Variants in CUBN observed in about 807,000 individuals in gnomAD.
The protein encoded by CUBN is cubilin, also known as 460 kDa receptor.
A neutral mutation model predicts 405.3 loss-of-function variants in CUBN; 282 were observed. The ratio of observed to expected loss-of-function variants is 0.70; its 90% CI spans 0.63 to 0.77. The LOEUF (loss-of-function observed/expected upper bound fraction) is 0.77. Among genes scored for constraint, CUBN ranks in the 30% least tolerant of loss-of-function variants. The pLI, the probability that CUBN is intolerant of heterozygous loss-of-function variation, is 0.00. For synonymous variants in CUBN, 1,684 were observed against 1,617.0 expected (o/e 1.04, Z -0.99); for missense variants, 4,514 against 4,475.2 (o/e 1.01, Z -0.25).
At chr10:17,051,849 A>G (rs1332466180) in intron 22 of CUBN, among the ~76,000 whole-genome samples, 1 of 152,064 alleles carries the variant, frequency 6.6e-6, no homozygotes, top group Non-Finnish European at 1.5e-5. Flanking sequence ...GAGAACCAGA[A>G]GAAGAAGGTA....
chr10:17,079,267 A>C, intron 17 of CUBN, among the ~76,000 whole-genome samples: 2 of 130,040 alleles, frequency 1.5e-5, no homozygotes, highest in African/African-American at 3.0e-5. Context: ...ATGGAGTCTC[A>C]CTCTGTCACC....
chr10:16,874,641 T>G, intron 57 of CUBN, 138 bp from the exon 58 acceptor site: 1 of 1,026,608 alleles, frequency 9.7e-7, no homozygotes, highest in Non-Finnish European at 1.5e-6. Context: ...GACTTATATC[T>G]CCCTTCATTG....
chr10:17,088,011 T>C (rs188781076), intron 15 of CUBN, among the ~76,000 whole-genome samples, 153 bp downstream of exon 15: 266 of 152,214 alleles, frequency 1.7e-3, no homozygotes, highest in South Asian at 3.1e-3. Flanking sequence ...CAGTTAAAAA[T>C]AGAGACTTTG....
rs1397092662 is a variant in CUBN at position 17,129,103 on chromosome 10, A to G, written c.252+18T>C. ...TATGGATATACAAAATGACTTCAATATATTTCCAGTGTATTACCTGATGTA... is the reference window on the plus strand; with the variant it reads ...TATGGATATACAAAATGACTTCAATGTATTTCCAGTGTATTACCTGATGTA... On this transcript the variant is annotated intron_variant, in intron 2 of 66. Transcript: ENST00000377833. 6.2e-7 allele frequency: 1 copy of G among 1,602,398 alleles called. No homozygotes were observed. Among genetic ancestry groups the G allele is most frequent in the East Asian group, 2.2e-5 (1 of 44,794 alleles).
intron 27 of CUBN, among the ~76,000 whole-genome samples, chr10:17,023,947 T>G (rs1834579472): frequency 6.6e-6 from 1 of 152,190 alleles, no homozygotes; most frequent in African/African-American, 2.4e-5. Context: ...AAGAGATTAT[T>G]CATTTAGGAT....
At chr10:16,885,898 G>C (rs2131391925) in intron 56 of CUBN, among the ~76,000 whole-genome samples, 1 of 152,234 alleles carries the variant, frequency 6.6e-6, no homozygotes, top group East Asian at 1.9e-4. Context: ...TAACATAAAA[G>C]CTATAAAGAA....
chr10:16,973,871 T>A (rs1833012352), intron 31 of CUBN, among the ~76,000 whole-genome samples: 1 of 152,196 alleles, frequency 6.6e-6, no homozygotes, highest in Admixed American at 6.5e-5. Context: ...CGTAGCACGT[T>A]TTCTTCATCC....
intron 43 of CUBN, among the ~76,000 whole-genome samples, chr10:16,924,268 C>T (rs1842119162): frequency 6.6e-6 from 1 of 152,058 alleles, no homozygotes; most frequent in African/African-American, 2.4e-5. Flanking sequence ...TGAGAAGGTC[C>T]CAGCTTAGAA....
chr10:17,050,669 T>C (rs1835244515), intron 22 of CUBN, among the ~76,000 whole-genome samples: 1 of 152,124 alleles, frequency 6.6e-6, no homozygotes. Context: ...AGAATGGGGA[T>C]ACCTCCTTAA....
rs117028326 is a variant in CUBN, at chr10:16,855,826, T to C, written c.9455-4383A>G. Among the ~76,000 whole-genome samples, 121 of 152,208 alleles carry C rather than the reference T, an allele frequency of 7.9e-4. 1 individual carries two copies. In the East Asian group the frequency reaches 0.023, roughly 29 times the overall value. ...TAATCCTGGCCAAAATAATCAAATA[T>C]TTGAAGTGAATATCATATTACATGA... On this transcript the variant is annotated intron_variant, in intron 59 of 66. Transcript: ENST00000377833.
intron 27 of CUBN, among the ~76,000 whole-genome samples, chr10:17,037,540 C>T (rs1451398845): frequency 6.6e-6 from 1 of 152,174 alleles, no homozygotes; most frequent in African/African-American, 2.4e-5. Flanking sequence ...AATATATGAA[C>T]TGGATAATAC....
intron 41 of CUBN, among the ~76,000 whole-genome samples, chr10:16,927,572 T>C (rs1842227974): frequency 1.3e-5 from 2 of 152,244 alleles, no homozygotes; most frequent in African/African-American, 4.8e-5. Flanking sequence ...CACTCTTCCT[T>C]GGACTACTTT....
chr10:17,019,816 A>T lies in CUBN; in HGVS notation c.4168+17T>A, dbSNP rs755981120. On this transcript the variant is annotated intron_variant, in intron 28 of 66. Transcript: ENST00000377833. The stretch of plus-strand genomic sequence containing the variant: ...AATAGCAACTGCAAATACAACTGAG[A>T]TCAGCACCTGGCTTACCGTAAACAA... 11 of 1,614,066 alleles carry T rather than the reference A, an allele frequency of 6.8e-6. No individual in the cohort carries two copies. The highest frequency in any genetic ancestry group is 1.7e-5 in the Admixed American group (1 of 60,020).
At chr10:16,955,154 T>G (rs560257243) in intron 31 of CUBN, among the ~76,000 whole-genome samples, 238 of 151,924 alleles carry the variant, frequency 1.6e-3, no homozygotes, top group Non-Finnish European at 1.9e-3. Flanking sequence ...GTGGATCACC[T>G]GAGGTCAGGA....
At chr10:16,837,040 C>G (rs547170204) in intron 62 of CUBN, among the ~76,000 whole-genome samples, 1 of 152,046 alleles carries the variant, frequency 6.6e-6, no homozygotes, top group Non-Finnish European at 1.5e-5. Context: ...TCTTAGGAAC[C>G]TACTGAAACA....
At chr10:16,845,744 G>C (rs1839490033) in intron 60 of CUBN, among the ~76,000 whole-genome samples, 1 of 152,214 alleles carries the variant, frequency 6.6e-6, no homozygotes, top group Non-Finnish European at 1.5e-5. Context: ...ATAGGAACGT[G>C]ATGCCTTCCA....
intron 22 of CUBN, among the ~76,000 whole-genome samples, chr10:17,056,319 T>G (rs556699314): frequency 6.6e-6 from 1 of 152,020 alleles, no homozygotes; most frequent in Non-Finnish European, 1.5e-5. Flanking sequence ...ACTATAAAAC[T>G]TCTAGAAGGA....
chr10:16,945,713 G>A (rs1360078937), intron 36 of CUBN, among the ~76,000 whole-genome samples: 2 of 146,688 alleles, frequency 1.4e-5, no homozygotes, highest in Non-Finnish European at 3.0e-5. Flanking sequence ...GTTTCAGTGA[G>A]CTGAGGTCAC....
intron 54 of CUBN, among the ~76,000 whole-genome samples, chr10:16,893,008 A>T (rs960624202): frequency 2.0e-5 from 3 of 152,210 alleles, no homozygotes; most frequent in Admixed American, 1.3e-4. Context: ...AATGGTAAAG[A>T]GTTATTCAAT....
Sources: allele counts gnomAD v4.1 joint callset (sites outside exome capture counted in the v4.1 genomes callset), GRCh38; gene constraint gnomAD v4.1.1; transcripts MANE v1.5; gene names NCBI Gene and HGNC (gene_info 2026-07-23, HGNC 2026-07-21).